The following UNC79 variants were observed in gnomAD, a reference collection of about 807,000 sequenced individuals.
UNC79 encodes unc-79 subunit of NALCN channel complex.
Under a neutral mutation model 283.1 loss-of-function variants are expected in UNC79, and 37 were observed. The ratio of observed to expected loss-of-function variants is 0.13; its 90% CI spans 0.10 to 0.17. UNC79 has a LOEUF of 0.17. Among genes scored for constraint, UNC79 ranks in the 10% least tolerant of loss-of-function variants. The pLI is 1.00. For missense variants in UNC79, 2,272 were observed against 3,211.1 expected (o/e 0.71, Z 7.07); for synonymous variants, 1,107 against 1,200.2 (o/e 0.92, Z 1.61).
chr14:93,634,413 T>G, intron 31 of UNC79, 108 bp from the exon 34 acceptor site: 1 of 831,060 alleles, frequency 1.2e-6, no homozygotes. Context: ...TTACCAAAAA[T>G]TATGAATAGC....
In UNC79 at chr14:93,581,484, C is replaced by CTTTT. The variant is rs569060513; in HGVS notation, c.2662-695_2662-692dup. On this transcript the variant is annotated intron_variant, in intron 19 of 48. Transcript: ENST00000555664. ...CACCACACCTGGCCAGTATTTGCATCTTTTTTTTTTTTTTTTTTTTTTTTT... is the reference window on the plus strand; with the variant it reads ...CACCACACCTGGCCAGTATTTGCATCTTTTTTTTTTTTTTTTTTTTTTTTTTTTT... Among the ~76,000 whole-genome samples the CTTTT allele has an allele frequency of 1.4e-4, 14 of 100,664 alleles. 1 individual carries two copies. The highest frequency in any genetic ancestry group is 3.6e-4 in the African/African-American group (8 of 21,926). 66.0% of individuals were successfully genotyped at this position (100,664 alleles called of 152,430 possible). A position where few individuals can be genotyped will look rare whatever the true frequency, so the allele number is the denominator to read the frequency against.
At chr14:93,592,409 T>C (rs2064761394) in intron 22 of UNC79, among the ~76,000 whole-genome samples, 1 of 151,998 alleles carries the variant, frequency 6.6e-6, no homozygotes, top group South Asian at 2.1e-4. Flanking sequence ...CTCCTGACCT[T>C]GTGATCCACC....
intron 20 of UNC79, among the ~76,000 whole-genome samples, chr14:93,583,097 G>A (rs564469620): frequency 2.6e-5 from 4 of 152,176 alleles, no homozygotes; most frequent in South Asian, 2.1e-4. Flanking sequence ...CAAGGTGGGC[G>A]GATCACCTGA....
intron 1 of UNC79, among the ~76,000 whole-genome samples, chr14:93,335,244 C>G (rs188623963): frequency 4.4e-4 from 67 of 152,218 alleles, no homozygotes; most frequent in Non-Finnish European, 3.4e-4. Flanking sequence ...TTTTTTCTAC[C>G]CTTTAATTCA....
chr14:93,362,597 C>T (rs1161989685), intron 1 of UNC79, among the ~76,000 whole-genome samples: 1 of 152,174 alleles, frequency 6.6e-6, no homozygotes, highest in Admixed American at 6.5e-5. Flanking sequence ...GATCTCCTGC[C>T]TCGGCCTCCC....
intron 40 of UNC79, among the ~76,000 whole-genome samples, chr14:93,672,928 T>G (rs560991765): frequency 6.6e-5 from 10 of 152,338 alleles, no homozygotes; most frequent in Non-Finnish European, 1.3e-4. Context: ...TTTTTCTGGA[T>G]GCTTGAAATA....
At chr14:93,543,691 A>G (rs2061477277) in intron 14 of UNC79, among the ~76,000 whole-genome samples, 1 of 152,106 alleles carries the variant, frequency 6.6e-6, no homozygotes, top group South Asian at 2.1e-4. Flanking sequence ...ATATGATGTA[A>G]TTTGCATCTA....
intron 7 of UNC79, among the ~76,000 whole-genome samples, chr14:93,521,671 C>G (rs1041397781): frequency 6.6e-6 from 1 of 151,036 alleles, no homozygotes; most frequent in Non-Finnish European, 1.5e-5. Flanking sequence ...TTTTTTAGTT[C>G]TCTAGTTGTT....
chr14:93,464,503 A>G (rs1408487957), intron 1 of UNC79: 1 of 455,754 alleles, frequency 2.2e-6, no homozygotes, highest in Non-Finnish European at 4.4e-6. Flanking sequence ...TCACCCTTTT[A>G]AAGGCCTTAT....
chr14:93,704,663 C>G, exon 48 of UNC79: 1 of 1,614,176 alleles, frequency 6.2e-7, no homozygotes, highest in Non-Finnish European at 8.5e-7. Context: ...AGTCAAATAT[C>G]AAGGTAAGTC....
At chr14:93,424,369 A>G (rs529513041) in intron 1 of UNC79, among the ~76,000 whole-genome samples, 143 of 152,346 alleles carry the variant, frequency 9.4e-4, no homozygotes, top group African/African-American at 3.3e-3. Context: ...GTATATACCC[A>G]AAGTAATGGA....
intron 29 of UNC79, among the ~76,000 whole-genome samples, chr14:93,618,887 C>CT (rs2066923714): frequency 6.6e-6 from 1 of 152,120 alleles, no homozygotes; most frequent in African/African-American, 2.4e-5. Flanking sequence ...CTATTGCTAC[C>CT]TTTTTCTAAA....
At chr14:93,605,002 A>G (rs748496492) in intron 26 of UNC79, 41 bp downstream of exon 27, 19 of 1,544,766 alleles carry the variant, frequency 1.2e-5, no homozygotes, top group Middle Eastern at 1.7e-4. Context: ...ACAAGTGTCT[A>G]TCACAGGTGG....
chr14:93,569,558 G>C (rs781167227), intron 14 of UNC79, among the ~76,000 whole-genome samples: 2 of 152,212 alleles, frequency 1.3e-5, no homozygotes, highest in Non-Finnish European at 2.9e-5. Context: ...TAAAGTAACT[G>C]GTCTTAGAGG....
intron 10 of UNC79, among the ~76,000 whole-genome samples, chr14:93,532,071 A>G (rs1288774818): frequency 2.6e-5 from 4 of 152,130 alleles, no homozygotes; most frequent in African/African-American, 4.8e-5. Flanking sequence ...ATAAAAGTAG[A>G]CGATAATTTA....
chr14:93,622,474 A>C lies in UNC79; in HGVS notation c.5241A>C (p.Arg1747=), dbSNP rs747640861. 5 of 1,614,022 alleles carry C rather than the reference A, an allele frequency of 3.1e-6. No homozygotes were observed. In the African/African-American group the frequency reaches 6.7e-5, roughly 22 times the overall value. Residue 1747 remains arginine, a synonymous_variant, in exon 30 of 49, where the codon CGA becomes CGC. Transcript: ENST00000555664. Reference sequence around the variant, plus strand: ...GCCCACTGACGCTGAAGCAAAAACGAGACCTCCTTCAGAAGTCGTTTGCTC... The same window carrying C: ...GCCCACTGACGCTGAAGCAAAAACGCGACCTCCTTCAGAAGTCGTTTGCTC...
intron 47 of UNC79, among the ~76,000 whole-genome samples, chr14:93,704,122 C>T (rs1239783358): frequency 6.6e-6 from 1 of 152,184 alleles, no homozygotes; most frequent in Admixed American, 6.5e-5. Context: ...TTCGCAGACA[C>T]CCGGCTCAGT....
chr14:93,347,150 G>C (rs1213439872), intron 1 of UNC79: 7 of 1,217,124 alleles, frequency 5.8e-6, no homozygotes, highest in East Asian at 2.7e-5. Context: ...AGGGCAGAGC[G>C]CCCCCTCGTG....
intron 7 of UNC79, among the ~76,000 whole-genome samples, chr14:93,504,691 T>C (rs1157092377): frequency 1.3e-5 from 2 of 152,070 alleles, no homozygotes; most frequent in Non-Finnish European, 2.9e-5. Flanking sequence ...TTTTAGTATA[T>C]TGGTCTTGTA....
Sources: gnomAD v4.1 joint callset for allele counts (sites outside exome capture counted in the v4.1 genomes callset) on GRCh38, gnomAD v4.1.1 for gene constraint, MANE v1.5 for transcripts, NCBI Gene and HGNC (gene_info 2026-07-23, HGNC 2026-07-21) for gene names.